Variants in NGEF observed in about 807,000 individuals in gnomAD.
NGEF encodes neuronal guanine nucleotide exchange factor, also known as ephexin-1.
A neutral mutation model predicts 80.9 loss-of-function variants in NGEF; 31 were observed. That is an observed-to-expected ratio of 0.38 (90% confidence interval 0.29 to 0.52). The LOEUF (loss-of-function observed/expected upper bound fraction) is 0.52. Among genes scored for constraint, NGEF ranks in the 20% least tolerant of loss-of-function variants. The pLI is 0.84. For missense variants in NGEF, 709 were observed against 926.2 expected (o/e 0.77, Z 3.04); for synonymous variants, 371 against 370.2 (o/e 1.00, Z -0.03).
At chr2:232,881,272 C>T in intron 13 of NGEF, 22 bp from the exon 14 acceptor site, 2 of 1,583,706 alleles carry the variant, frequency 1.3e-6, no homozygotes, top group African/African-American at 1.3e-5. Flanking sequence ...GAGGCACGGG[C>T]ACATCCCCAC....
chr2:232,970,363 T>C (rs1018750872), intron 2 of NGEF, 35 bp from the exon 3 acceptor site: 2 of 1,389,170 alleles, frequency 1.4e-6, no homozygotes, highest in Non-Finnish European at 2.0e-6. Flanking sequence ...AGTTAGAAGA[T>C]ACAGATCAAC....
chr2:232,898,991 AGT>A (rs1300594540), intron 5 of NGEF, among the ~76,000 whole-genome samples: 1 of 151,404 alleles, frequency 6.6e-6, no homozygotes, highest in Non-Finnish European at 1.5e-5. Context: ...TGTGAATGTG[AGT>A]GTGAATGGGT....
At chr2:232,974,495 C>A (rs1280303050) in intron 2 of NGEF, 128 bp downstream of exon 2, 59 of 1,096,102 alleles carry the variant, frequency 5.4e-5, no homozygotes, top group Non-Finnish European at 7.3e-5. Flanking sequence ...AAATGCACTA[C>A]CCTGTTGAAA....
At chr2:232,924,314 T>C (rs113109647) in intron 4 of NGEF, among the ~76,000 whole-genome samples, 1,608 of 152,264 alleles carry the variant, frequency 0.011, 23 homozygotes, top group South Asian at 0.052. Flanking sequence ...CCTGTGAGGA[T>C]GCACCAAAGG....
intron 3 of NGEF, chr2:232,927,951 C>A (rs1693115439): frequency 4.5e-6 from 6 of 1,327,126 alleles, no homozygotes; most frequent in African/African-American, 1.5e-5. Flanking sequence ...GTGGAACTGT[C>A]GTGGTCCACG....
chr2:232,967,821 A>G (rs1028489324), intron 3 of NGEF, among the ~76,000 whole-genome samples: 3 of 152,010 alleles, frequency 2.0e-5, no homozygotes, highest in Non-Finnish European at 4.4e-5. Flanking sequence ...TGCCTGGTTC[A>G]CAATTCCCCA....
intron 3 of NGEF, among the ~76,000 whole-genome samples, chr2:232,929,867 G>A (rs1037300832): frequency 2.0e-5 from 3 of 152,204 alleles, no homozygotes; most frequent in Non-Finnish European, 2.9e-5. Context: ...CCAGTGGGAG[G>A]CAATTGAATC....
intron 3 of NGEF, among the ~76,000 whole-genome samples, chr2:232,937,828 T>C (rs10933416): frequency 0.084 from 12,842 of 152,220 alleles, 944 homozygotes; most frequent in East Asian, 0.25. Flanking sequence ...TTTGGGAACT[T>C]GCAGGTAATG....
chr2:232,956,520 C>A (rs953539276), intron 3 of NGEF, among the ~76,000 whole-genome samples: 11 of 152,134 alleles, frequency 7.2e-5, no homozygotes, highest in Non-Finnish European at 1.3e-4. Flanking sequence ...GTAATCCCAG[C>A]ACTTTGGGAG....
intron 3 of NGEF, among the ~76,000 whole-genome samples, chr2:232,949,017 C>CA (rs923807302): frequency 5.2e-4 from 74 of 142,422 alleles, no homozygotes; most frequent in African/African-American, 1.9e-3. Flanking sequence ...GACTGCGTCT[C>CA]AAAAAAACCC....
chr2:232,943,520 G>C (rs1244214129), intron 3 of NGEF, among the ~76,000 whole-genome samples: 1 of 145,496 alleles, frequency 6.9e-6, no homozygotes, highest in African/African-American at 2.5e-5. Flanking sequence ...TTTTGAGACG[G>C]AGTCTCACTC....
chr2:232,957,692 A>G (rs952334247), intron 3 of NGEF, among the ~76,000 whole-genome samples: 2 of 152,204 alleles, frequency 1.3e-5, no homozygotes, highest in Non-Finnish European at 2.9e-5. Context: ...ATGTGATCCC[A>G]TAAGATCTGA....
intron 13 of NGEF, 129 bp downstream of exon 13, chr2:232,882,057 C>G (rs1313038944): frequency 1.3e-6 from 1 of 765,180 alleles, no homozygotes; most frequent in Non-Finnish European, 2.2e-6. Flanking sequence ...CCCCTGGAGG[C>G]CCGTGCAGGC....
intron 5 of NGEF, 78 bp downstream of exon 5, chr2:232,920,206 C>G (rs529124429): frequency 1.5e-5 from 22 of 1,424,606 alleles, no homozygotes; most frequent in East Asian, 4.6e-5. Context: ...CCTCACCCCC[C>G]AGAGGAAGCC....
chr2:233,008,086 C>T (rs1370839739), intron 1 of NGEF, among the ~76,000 whole-genome samples: 1 of 152,160 alleles, frequency 6.6e-6, no homozygotes, highest in Non-Finnish European at 1.5e-5. Context: ...GACTTGGGAG[C>T]ATCCTGAAAA....
chr2:232,951,874 G>C (rs1410642469), intron 3 of NGEF, among the ~76,000 whole-genome samples: 1 of 152,138 alleles, frequency 6.6e-6, no homozygotes, highest in African/African-American at 2.4e-5. Context: ...TTGAGTGGCA[G>C]GTTTATTTTT....
intron 1 of NGEF, among the ~76,000 whole-genome samples, chr2:232,977,780 G>A (rs1352594307): frequency 6.6e-6 from 1 of 152,214 alleles, no homozygotes; most frequent in African/African-American, 2.4e-5. Flanking sequence ...CAGGCGGGGT[G>A]GTGGGGGACA....
At chr2:232,915,082 A>C (rs1692767395) in intron 5 of NGEF, among the ~76,000 whole-genome samples, 1 of 151,564 alleles carries the variant, frequency 6.6e-6, no homozygotes, top group African/African-American at 2.4e-5. Flanking sequence ...GCTCTGCTGC[A>C]GGCCAGCCTA....
Position 232,927,177 on chromosome 2 carries a change from G to A in NGEF, c.393C>T (p.Ser131=). Residue 131 remains serine (S), a synonymous_variant, in exon 4 of 15, where the codon TCC becomes TCT. Coordinates refer to ENST00000264051, the MANE Select transcript of NGEF (RefSeq NM_019850.3). ...DPGAQEMSES[S]STPGNGATPE... is the part of the protein sequence containing the mutation. Reference sequence around the variant, plus strand: ...GCGTGGCCCCATTTCCCGGGGTGGAGGACGACTCACTGCCAGAGAGGGAGG... The same window carrying A: ...GCGTGGCCCCATTTCCCGGGGTGGAAGACGACTCACTGCCAGAGAGGGAGG... 1.3e-6 allele frequency: 2 copies of A among 1,593,098 alleles called. No homozygotes were observed. Among genetic ancestry groups the A allele is most frequent in the Non-Finnish European group, 1.7e-6 (2 of 1,171,776 alleles).
Sources: gnomAD v4.1 joint callset for allele counts (sites outside exome capture counted in the v4.1 genomes callset) on GRCh38, gnomAD v4.1.1 for gene constraint, MANE v1.5 for transcripts, NCBI Gene and HGNC (gene_info 2026-07-23, HGNC 2026-07-21) for gene names.